IL4R: variants seen among roughly 807,000 people sequenced by gnomAD.
IL4R encodes the protein interleukin-4 receptor subunit alpha.
IL4R carries 17 observed loss-of-function variants against 41.5 expected under a neutral mutation model. The ratio of observed to expected loss-of-function variants is 0.41; its 90% CI spans 0.28 to 0.61. The LOEUF is 0.61. Ranked by LOEUF, IL4R falls within the 20% of genes least tolerant of loss-of-function variation. The pLI, the probability that IL4R is intolerant of heterozygous loss-of-function variation, is 0.31. For synonymous variants in IL4R, 402 were observed against 422.9 expected (o/e 0.95, Z 0.61); for missense variants, 974 against 1,043.1 (o/e 0.93, Z 0.91).
intron 1 of IL4R, among the ~76,000 whole-genome samples, chr16:27,317,757 T>C (rs79386509): frequency 0.02 from 2,997 of 152,260 alleles, 98 homozygotes; most frequent in African/African-American, 0.064. Context: ...TGGAGGAAGT[T>C]GTTTAACCTC....
rs570049901 is a variant in IL4R at position 27,324,972 on chromosome 16, C to T, written c.-151-5094C>T. Among the ~76,000 whole-genome samples the T allele has an allele frequency of 2.6e-5, 4 of 152,320 alleles. No homozygotes were observed. In the East Asian group the frequency reaches 7.7e-4, roughly 29 times the overall value. ...CACCAAGTCCCTGCTGCCTCCTCCT[C>T]CCAAACAGGCTCAAACCTGCCCCCT... is the stretch of plus-strand genomic sequence containing the variant. On this transcript the variant is annotated intron_variant, in intron 1 of 10. Transcript: ENST00000395762.
At chr16:27,351,415 A>G (rs763873319) in intron 6 of IL4R, among the ~76,000 whole-genome samples, 1 of 151,962 alleles carries the variant, frequency 6.6e-6, no homozygotes, top group Non-Finnish European at 1.5e-5. Context: ...CACACTCGAG[A>G]AGACCAGATG....
chr16:27,340,195 C>T lies in IL4R; in HGVS notation c.-9C>T, dbSNP rs539527236. On this transcript the variant is annotated 5_prime_UTR_variant, in exon 3 of 11. Coordinates refer to ENST00000395762, the MANE Select transcript of IL4R (RefSeq NM_000418.4). ...TCCTCTCTCTCTGCAGGTGCCTTGG[C>T]ATCTCCCAATGGGGTGGCTTTGCTC... The T allele has an allele frequency of 2.5e-6, 4 of 1,612,530 alleles. No individual in the cohort carries two copies. The highest frequency in any genetic ancestry group is 2.2e-5 in the South Asian group (2 of 90,732).
In IL4R at chr16:27,363,195, G is replaced by A. The variant is rs1253225799; in HGVS notation, c.1843G>A (p.Val615Met). ...CTCAAGCCTGCTTGCCAGCAGTGCTGTGTCCCCAGAGAAATGTGGGTTTGG... is the reference window on the plus strand; with the variant it reads ...CTCAAGCCTGCTTGCCAGCAGTGCTATGTCCCCAGAGAAATGTGGGTTTGG... ...AFSSLLASSA[V>M]SPEKCGFGAS... is the part of the protein sequence containing the mutation. The change falls in exon 11 of 11, where the codon GTG becomes ATG. Residue 615 changes from valine to methionine, a missense_variant. This residue lies in a region of IL4R where 682 missense variants were observed against 704.3 expected (regional missense o/e 0.97). Transcript: ENST00000395762. 8 of 1,610,446 alleles carry A rather than the reference G, an allele frequency of 5.0e-6. No homozygotes were observed. The highest frequency in any genetic ancestry group is 4.0e-5 in the African/African-American group (3 of 74,858).
intron 9 of IL4R, among the ~76,000 whole-genome samples, chr16:27,359,335 G>A (rs1293128632): frequency 3.9e-5 from 6 of 152,216 alleles, no homozygotes; most frequent in Admixed American, 3.9e-4. Flanking sequence ...AGTGGAGGAA[G>A]GAGAGGGTGA....
intron 2 of IL4R, among the ~76,000 whole-genome samples, chr16:27,330,598 T>C (rs988006832): frequency 2.0e-5 from 3 of 152,066 alleles, no homozygotes; most frequent in African/African-American, 4.8e-5. Flanking sequence ...TTTAGTGCTA[T>C]GCAATTTTAT....
intron 2 of IL4R, among the ~76,000 whole-genome samples, chr16:27,337,575 CT>C (rs533237354): frequency 1.2e-3 from 167 of 142,196 alleles, no homozygotes; most frequent in Non-Finnish European, 1.1e-3. Flanking sequence ...TTTTCTTTTT[CT>C]TTTTTTTTTT....
intron 1 of IL4R, among the ~76,000 whole-genome samples, chr16:27,317,051 G>A (rs1318931822): frequency 1.3e-5 from 2 of 152,022 alleles, no homozygotes; most frequent in Non-Finnish European, 2.9e-5. Flanking sequence ...CTACAGGTGT[G>A]TGCCACCACG....
At chr16:27,350,441 G>C (rs760645130) in intron 6 of IL4R, among the ~76,000 whole-genome samples, 8 of 152,028 alleles carry the variant, frequency 5.3e-5, no homozygotes, top group Non-Finnish European at 1.2e-4. Context: ...CAATCTTTTG[G>C]AACTTTGCTT....
chr16:27,360,957 G>A, intron 10 of IL4R, 142 bp downstream of exon 10: 1 of 1,546,546 alleles, frequency 6.5e-7, no homozygotes, highest in Non-Finnish European at 8.7e-7. Flanking sequence ...GGGACGGCAG[G>A]AGGAGGGGTG....
At chr16:27,361,095 A>G in intron 10 of IL4R, 1 of 1,291,760 alleles carries the variant, frequency 7.7e-7, no homozygotes, top group African/African-American at 1.5e-5. Flanking sequence ...TAAAATCTTG[A>G]CCTAATTGTA....
intron 1 of IL4R, among the ~76,000 whole-genome samples, chr16:27,324,575 G>A (rs2084901761): frequency 6.6e-6 from 1 of 152,212 alleles, no homozygotes; most frequent in South Asian, 2.1e-4. Context: ...GCCCGAGTGT[G>A]CAATATGCCA....
At chr16:27,332,275 A>G (rs1445303231) in intron 2 of IL4R, among the ~76,000 whole-genome samples, 1 of 152,110 alleles carries the variant, frequency 6.6e-6, no homozygotes, top group East Asian at 1.9e-4. Flanking sequence ...GAAACATATT[A>G]TCATGGCGGA....
intron 10 of IL4R, chr16:27,361,049 G>T: frequency 1.4e-6 from 2 of 1,413,798 alleles, no homozygotes; most frequent in Non-Finnish European, 1.8e-6. Context: ...TGGGAGTGCT[G>T]TTATAGTTAA....
At chr16:27,357,527 G>T (rs570224442) in intron 8 of IL4R, among the ~76,000 whole-genome samples, 43 of 152,244 alleles carry the variant, frequency 2.8e-4, no homozygotes, top group Admixed American at 7.2e-4. Flanking sequence ...GCAGTGGTGC[G>T]ATCTCGACTC....
chr16:27,333,407 G>A (rs1263321311), intron 2 of IL4R, among the ~76,000 whole-genome samples: 2 of 152,028 alleles, frequency 1.3e-5, no homozygotes, highest in Non-Finnish European at 1.5e-5. Context: ...TAGGAGATGA[G>A]ATTGAAGGAA....
intron 6 of IL4R, among the ~76,000 whole-genome samples, chr16:27,351,115 C>CT (rs1335266355): frequency 2.0e-5 from 3 of 152,136 alleles, no homozygotes; most frequent in Non-Finnish European, 4.4e-5. Flanking sequence ...GCTGCAGTTT[C>CT]ATCTGAGGCT....
chr16:27,359,203 G>C (rs1296052641), intron 9 of IL4R, among the ~76,000 whole-genome samples: 1 of 152,206 alleles, frequency 6.6e-6, no homozygotes, highest in Non-Finnish European at 1.5e-5. Flanking sequence ...CCCAGCCTGG[G>C]GTGGGCTTCT....
intron 6 of IL4R, among the ~76,000 whole-genome samples, chr16:27,351,461 G>A (rs989445993): frequency 5.3e-5 from 8 of 151,692 alleles, no homozygotes; most frequent in African/African-American, 1.2e-4. Context: ...GATCATCGGG[G>A]CCATCTTAGG....
Sources: gnomAD v4.1 joint callset for allele counts (sites outside exome capture counted in the v4.1 genomes callset) on GRCh38, gnomAD v4.1.1 for gene constraint, gnomAD v4.1.1 regional missense constraint, MANE v1.5 for transcripts, NCBI Gene and HGNC (gene_info 2026-07-23, HGNC 2026-07-21) for gene names.